Variants in MAPDA observed in about 807,000 individuals in gnomAD.
The protein encoded by MAPDA is N6,N6-dimethyl-AMP deaminase.
the MAPDA span, chr15:43,353,345 T>C: frequency 6.6e-6 from 1 of 152,210 alleles, no homozygotes; most frequent in Non-Finnish European, 1.5e-5. Flanking sequence ...ATTGCTTTGC[T>C]CTTTAGAATG....
chr15:43,334,899 GTT>G, the MAPDA span: 17 of 465,830 alleles, frequency 3.6e-5, no homozygotes, highest in African/African-American at 3.3e-4. Context: ...ACAAAATCCT[GTT>G]TCTTTGCTTT....
chr15:43,347,117 C>CTCT, the MAPDA span: 5 of 1,580,786 alleles, frequency 3.2e-6, no homozygotes, highest in Non-Finnish European at 4.3e-6. Flanking sequence ...TTGTCTTAGG[C>CTCT]TAGAAGGGAC....
chr15:43,347,210 A>C, the MAPDA span: 2 of 806,894 alleles, frequency 2.5e-6, no homozygotes, highest in East Asian at 5.2e-5. Context: ...AAAAAGGGAA[A>C]GTAGAAATAT....
the MAPDA span, chr15:43,332,273 AG>A: frequency 6.6e-6 from 1 of 152,152 alleles, no homozygotes; most frequent in African/African-American, 2.4e-5. Context: ...TTGCTTCTGA[AG>A]GGATTAGAAG....
At chr15:43,344,251 C>T in the MAPDA span, among the ~76,000 whole-genome samples, 1 of 150,414 alleles carries the variant, frequency 6.6e-6, no homozygotes, top group Non-Finnish European at 1.5e-5. Context: ...TTATTTATAA[C>T]AAAAATTAGA....
the MAPDA span, chr15:43,351,555 A>C: frequency 1.8e-6 from 1 of 563,678 alleles, no homozygotes; most frequent in South Asian, 2.8e-5. Context: ...CCAGAGTTGA[A>C]ACACTGCTCT....
chr15:43,348,450 G>A, the MAPDA span, among the ~76,000 whole-genome samples: 1,472 of 152,152 alleles, frequency 9.7e-3, 21 homozygotes, highest in African/African-American at 0.031. Context: ...ATTTCTATTT[G>A]TTTTGCTCCC....
At chr15:43,335,143 A>G in the MAPDA span, 25 of 1,613,910 alleles carry the variant, frequency 1.5e-5, no homozygotes, top group African/African-American at 2.7e-5. Flanking sequence ...CTTGCAAGAC[A>G]GACTTCTATT....
At chr15:43,331,977 G>A in the MAPDA span, 1 of 152,196 alleles carries the variant, frequency 6.6e-6, no homozygotes, top group Non-Finnish European at 1.5e-5. Context: ...TGAAGGAACA[G>A]AAAAATGAGA....
the MAPDA span, among the ~76,000 whole-genome samples, chr15:43,342,676 G>A: frequency 0.93 from 140,449 of 151,386 alleles, 65,376 homozygotes; most frequent in East Asian, 1. Flanking sequence ...CTTGAGCTCA[G>A]GAGACAAAGG....
At chr15:43,335,177 AT>A in the MAPDA span, 1 of 1,613,406 alleles carries the variant, frequency 6.2e-7, no homozygotes, top group Non-Finnish European at 8.5e-7. Context: ...AGTGGTGAGA[AT>A]TCAACTACAG....
At chr15:43,345,065 A>G in the MAPDA span, among the ~76,000 whole-genome samples, 2 of 152,108 alleles carry the variant, frequency 1.3e-5, no homozygotes, top group Non-Finnish European at 2.9e-5. Context: ...ATAGGACAAC[A>G]TGTTAAAGGC....
At chr15:43,334,470 A>G in the MAPDA span, among the ~76,000 whole-genome samples, 5 of 151,074 alleles carry the variant, frequency 3.3e-5, no homozygotes, top group Non-Finnish European at 1.5e-5. Flanking sequence ...TCTATTAAAA[A>G]TACAAAAATT....
chr15:43,331,736 G>C, the MAPDA span, among the ~76,000 whole-genome samples: 1 of 152,334 alleles, frequency 6.6e-6, no homozygotes, highest in East Asian at 1.9e-4. Context: ...TTTCTGTGGA[G>C]CAATAAGGGC....
chr15:43,346,658 C>T, the MAPDA span, among the ~76,000 whole-genome samples: 1 of 152,172 alleles, frequency 6.6e-6, no homozygotes, highest in Admixed American at 6.5e-5. Flanking sequence ...ACCTGTTTAA[C>T]GGAAGTGTTT....
chr15:43,339,230 C>G, the MAPDA span, among the ~76,000 whole-genome samples: 2 of 152,226 alleles, frequency 1.3e-5, no homozygotes, highest in Non-Finnish European at 2.9e-5. Context: ...GCAGTGGTAT[C>G]TTGCTTGGTC....
chr15:43,354,542 AG>A, the MAPDA span: 10 of 152,164 alleles, frequency 6.6e-5, no homozygotes, highest in African/African-American at 2.4e-4. Flanking sequence ...TCTATACAAA[AG>A]CTATTGAAGT....
At chr15:43,346,125 G>C in the MAPDA span, 1 of 1,112,118 alleles carries the variant, frequency 9.0e-7, no homozygotes, top group Non-Finnish European at 1.3e-6. Flanking sequence ...TGCCCTGGAT[G>C]ACCAGAATGC....
At chr15:43,341,841 A>G in the MAPDA span, among the ~76,000 whole-genome samples, 1 of 152,036 alleles carries the variant, frequency 6.6e-6, no homozygotes, top group Non-Finnish European at 1.5e-5. Flanking sequence ...GGTTATTTTT[A>G]TTTATTTATT....
Sources: gnomAD v4.1 joint callset for allele counts (sites outside exome capture counted in the v4.1 genomes callset) on GRCh38, gnomAD v4.1.1 for gene constraint, MANE v1.5 for transcripts, NCBI Gene and HGNC (gene_info 2026-07-23, HGNC 2026-07-21) for gene names.